HAAO: variants seen among roughly 807,000 people sequenced by gnomAD.
The protein encoded by HAAO is 3-hydroxyanthranilate oxygenase.
In HAAO, 49 loss-of-function variants were observed where a neutral mutation model predicts 46.2. That is an observed-to-expected ratio of 1.06 (90% CI 0.84 to 1.34). The LOEUF (loss-of-function observed/expected upper bound fraction) is 1.34, where lower values mean the gene tolerates loss of function less well. Among genes scored for constraint, HAAO ranks in the 40% most tolerant of loss-of-function variants. The pLI, the probability that HAAO is intolerant of heterozygous loss-of-function variation, is 0.00. For synonymous variants in HAAO, 157 were observed against 145.2 expected, an observed-to-expected ratio of 1.08 and a Z score of -0.58; for missense variants, 408 against 364.5, an observed-to-expected ratio of 1.12 and a Z score of -0.97.
At chr2:42,768,042 C>G (rs1206604478) in intron 7 of HAAO, 114 bp from the exon 8 acceptor site, 2 of 848,396 alleles carry the variant, frequency 2.4e-6, no homozygotes, top group Non-Finnish European at 3.9e-6. Flanking sequence ...GCCCATGAAA[C>G]AGCCCCATCA....
At position 42,769,154 on chromosome 2, in the gene HAAO, GTTGA is replaced by G. The variant is rs1670889829; in HGVS notation, c.630+555_630+558del. ...ACTTTATCACATGATTGTGGCAATT[GTTGA>G]TTAACTTGTCCATCTCTTTAACAAA... On this transcript the variant is annotated intron_variant, in intron 7 of 9. Transcript: ENST00000294973. Among the ~76,000 whole-genome samples the G allele has an allele frequency of 2.6e-5, 4 of 152,266 alleles. No homozygotes were observed. The South Asian group carries it at 8.3e-4, about 32-fold the overall frequency.
At chr2:42,777,204 G>A (rs539105367) in intron 4 of HAAO, among the ~76,000 whole-genome samples, 13 of 150,052 alleles carry the variant, frequency 8.7e-5, no homozygotes, top group South Asian at 6.4e-4. Flanking sequence ...TTGGGAGGCT[G>A]AGGCAGGAGG....
rs532225672 is a variant in HAAO at position 42,767,786 on chromosome 2, G to T, written c.699+74C>A. 561 of 1,562,382 alleles carry T rather than the reference G, an allele frequency of 3.6e-4. 1 individual carries two copies. Among genetic ancestry groups the T allele is most frequent in the Middle Eastern group, 5.1e-4 (3 of 5,928 alleles). On this transcript the variant is annotated intron_variant, in intron 8 of 9. Coordinates refer to ENST00000294973, the MANE Select transcript of HAAO (RefSeq NM_012205.3). ...GGCCCCAAGAGTGGGCCCCGTGTGG[G>T]AGCCCAGGGCCGAGGAGCGGGCTGA...
chr2:42,790,004 C>T (rs992617239), intron 1 of HAAO, among the ~76,000 whole-genome samples: 4 of 152,268 alleles, frequency 2.6e-5, no homozygotes, highest in Middle Eastern at 6.8e-3. Context: ...ACCATTTGTA[C>T]ACACAGGGCA....
chr2:42,775,351 C>CTT (rs1671470679), intron 4 of HAAO, among the ~76,000 whole-genome samples: 1 of 150,960 alleles, frequency 6.6e-6, no homozygotes, highest in South Asian at 2.1e-4. Context: ...TGCTAAGGGG[C>CTT]TTGATTTACA....
At chr2:42,786,405 A>G (rs1672386621) in intron 2 of HAAO, among the ~76,000 whole-genome samples, 1 of 152,182 alleles carries the variant, frequency 6.6e-6, no homozygotes, top group African/African-American at 2.4e-5. Flanking sequence ...GCTCAGGCAG[A>G]TAATGAATAG....
In HAAO at chr2:42,767,520, G is replaced by A. The variant is rs1248740705; in HGVS notation, c.783-5C>T. ...TGTGTTCGCTCCCAGGCATACCTGTGGACACACAGATGAGCAGGGATCACA... is the reference window on the plus strand; with the variant it reads ...TGTGTTCGCTCCCAGGCATACCTGTAGACACACAGATGAGCAGGGATCACA... On this transcript the variant is annotated splice_polypyrimidine_tract_variant and splice_region_variant and intron_variant, in intron 9 of 9. Transcript: ENST00000294973. The A allele has an allele frequency of 6.2e-7, 1 of 1,610,008 alleles. No homozygotes were observed. Among genetic ancestry groups the A allele is most frequent in the African/African-American group, 1.3e-5 (1 of 74,862 alleles).
rs574103138 is a variant in HAAO at position 42,775,858 on chromosome 2, A to C, written c.351-5276T>G. ...AAACTGCTTACTTTTATATTGTGTT[A>C]TCCTTTTTTTTTTTTTTTTTTTACT... On this transcript the variant is annotated intron_variant, in intron 4 of 9. Coordinates refer to ENST00000294973, the MANE Select transcript of HAAO (RefSeq NM_012205.3). 1.4e-4 allele frequency among the ~76,000 whole-genome samples: 13 copies of C among 94,232 alleles called. 1 individual carries two copies. The South Asian group carries it at 5.6e-3, about 41-fold the overall frequency. The allele number at this position is 94,232 out of a possible 152,430, so 61.8% of individuals were successfully genotyped here. A position where few individuals can be genotyped will look rare whatever the true frequency, so the allele number is the denominator to read the frequency against.
At chr2:42,782,262 C>T (rs1672059057) in intron 4 of HAAO, among the ~76,000 whole-genome samples, 1 of 152,296 alleles carries the variant, frequency 6.6e-6, no homozygotes, top group East Asian at 1.9e-4. Flanking sequence ...AACCAATTTA[C>T]GTACCTAAGC....
At chr2:42,785,045 A>G (rs1280507732) in intron 2 of HAAO, among the ~76,000 whole-genome samples, 1 of 152,244 alleles carries the variant, frequency 6.6e-6, no homozygotes, top group Non-Finnish European at 1.5e-5. Flanking sequence ...AATGCAGTGC[A>G]TAGTTAAAAG....
intron 4 of HAAO, among the ~76,000 whole-genome samples, chr2:42,775,647 C>G (rs1671500745): frequency 6.7e-6 from 1 of 149,930 alleles, no homozygotes; most frequent in Admixed American, 6.6e-5. Context: ...ATTCTGTTTT[C>G]TTCATTTACT....
chr2:42,773,492 G>C (rs773839102), intron 4 of HAAO, among the ~76,000 whole-genome samples: 3 of 151,830 alleles, frequency 2.0e-5, no homozygotes, highest in Non-Finnish European at 4.4e-5. Flanking sequence ...CCTCCCAGAA[G>C]ACCTTGTGAA....
At chr2:42,790,160 G>T (rs561255671) in intron 1 of HAAO, among the ~76,000 whole-genome samples, 1 of 152,278 alleles carries the variant, frequency 6.6e-6, no homozygotes, top group East Asian at 1.9e-4. Context: ...CAGCTGGGAG[G>T]CATGGAGGCA....
intron 4 of HAAO, among the ~76,000 whole-genome samples, chr2:42,777,651 A>T (rs1034411698): frequency 6.6e-6 from 1 of 152,316 alleles, no homozygotes; most frequent in South Asian, 2.1e-4. Context: ...TTTTAGAAAT[A>T]ATCTAAGTAA....
At chr2:42,771,699 T>TG (rs747816584) in intron 4 of HAAO, among the ~76,000 whole-genome samples, 89 of 152,386 alleles carry the variant, frequency 5.8e-4, no homozygotes, top group Non-Finnish European at 9.0e-4. Flanking sequence ...CAGGCCCCTG[T>TG]GGGTGCTGCA....
intron 4 of HAAO, among the ~76,000 whole-genome samples, chr2:42,777,933 A>G (rs913089225): frequency 1.5e-4 from 23 of 152,214 alleles, no homozygotes; most frequent in Non-Finnish European, 2.6e-4. Flanking sequence ...AAAGAAAGTC[A>G]TAAAAACAAA....
intron 4 of HAAO, among the ~76,000 whole-genome samples, chr2:42,782,210 A>G (rs1672052527): frequency 6.6e-6 from 1 of 152,154 alleles, no homozygotes; most frequent in Admixed American, 6.5e-5. Flanking sequence ...AAGCCCTGAA[A>G]ACTGAAGCCT....
chr2:42,767,576 G>A lies in HAAO; in HGVS notation c.782+19C>T, dbSNP rs1558656378. On this transcript the variant is annotated intron_variant, in intron 9 of 9. Coordinates refer to ENST00000294973, the MANE Select transcript of HAAO (RefSeq NM_012205.3). ...TTGGACCCTGAGGATCCCAGGGAAA[G>A]CCCTCCCTGCGTACTCACGAGGTCC... The A allele has an allele frequency of 1.3e-6, 2 of 1,582,626 alleles. No homozygotes were observed. Among genetic ancestry groups the A allele is most frequent in the Admixed American group, 3.6e-5 (2 of 54,940 alleles).
intron 4 of HAAO, among the ~76,000 whole-genome samples, chr2:42,773,544 A>G (rs1324701366): frequency 3.3e-5 from 5 of 151,766 alleles, no homozygotes; most frequent in African/African-American, 4.8e-5. Context: ...ATTAAGGGAA[A>G]TGTCAAGCTG....
Sources: allele counts gnomAD v4.1 joint callset (sites outside exome capture counted in the v4.1 genomes callset), GRCh38; gene constraint gnomAD v4.1.1; transcripts MANE v1.5; gene names NCBI Gene and HGNC (gene_info 2026-07-23, HGNC 2026-07-21).